Variants in CIDEC observed in about 807,000 individuals in gnomAD.
The protein encoded by CIDEC is cell death inducing DFFA like effector c.
A neutral mutation model predicts 21.9 loss-of-function variants in CIDEC; 11 were observed. The ratio of observed to expected loss-of-function variants is 0.50; its 90% CI spans 0.32 to 0.83. CIDEC has a LOEUF of 0.83. CIDEC is among the 40% of genes least tolerant of loss of function. The probability of loss-of-function intolerance (pLI) is 0.04; values close to 1 mark genes in which losing one functional copy is unlikely to be tolerated. For missense variants in CIDEC, 302 were observed against 302.3 expected, an observed-to-expected ratio of 1.00 and a Z score of 0.01; for synonymous variants, 127 against 124.9, an observed-to-expected ratio of 1.02 and a Z score of -0.11.
chr3:9,873,378 A>G (rs187963687), intron 4 of CIDEC, among the ~76,000 whole-genome samples: 12 of 152,276 alleles, frequency 7.9e-5, no homozygotes, highest in Non-Finnish European at 1.3e-4. Context: ...TTGGGAGGCC[A>G]AGGCCAAGGC....
At chr3:9,871,114 T>A (rs2082341947) in intron 4 of CIDEC, among the ~76,000 whole-genome samples, 1 of 152,016 alleles carries the variant, frequency 6.6e-6, no homozygotes, top group African/African-American at 2.4e-5. Flanking sequence ...GTTTTCAATT[T>A]TCCTGGGCAT....
chr3:9,870,628 A>G (rs2082335430), intron 4 of CIDEC, among the ~76,000 whole-genome samples: 1 of 152,202 alleles, frequency 6.6e-6, no homozygotes, highest in African/African-American at 2.4e-5. Flanking sequence ...CCACTACCTA[A>G]TAGTGCAGTG....
intron 4 of CIDEC, among the ~76,000 whole-genome samples, chr3:9,874,410 G>A (rs2082391746): frequency 6.6e-6 from 1 of 151,858 alleles, no homozygotes; most frequent in Admixed American, 6.6e-5. Context: ...TAGCGAGTCG[G>A]GAGGCTGAGG....
At chr3:9,879,161 ATTT>A in intron 1 of CIDEC, 107 bp from the exon 2 acceptor site, 1 of 144,180 alleles carries the variant, frequency 6.9e-6, no homozygotes, top group Non-Finnish European at 1.4e-5. Context: ...CAGGAGCTGA[ATTT>A]TTTTTTTTTT....
intron 6 of CIDEC, among the ~76,000 whole-genome samples, chr3:9,869,543 C>T (rs2082316911): frequency 6.6e-6 from 1 of 152,186 alleles, no homozygotes; most frequent in Non-Finnish European, 1.5e-5. Context: ...AGCCACCGTG[C>T]CTGGCCAACA....
intron 5 of CIDEC, 23 bp downstream of exon 5, chr3:9,870,141 A>G: frequency 6.2e-7 from 1 of 1,613,992 alleles, no homozygotes; most frequent in African/African-American, 1.3e-5. Context: ...CTCCCCCATC[A>G]GGTGCAACAG....
At position 9,867,264 on chromosome 3, in the gene CIDEC, T is replaced by C. The variant is rs2082283927; in HGVS notation, c.587A>G (p.Gln196Arg). 3 of 1,614,070 alleles carry C rather than the reference T, an allele frequency of 1.9e-6. No homozygotes were observed. The African/African-American group carries it at 4.0e-5, about 22-fold the overall frequency. ...EAFRWALFSM[Q>R]ATGHVLLGTS... ...GCCAAGCAGTACGTGGCCTGTGGCC[T>C]GCATGCTGAAGAGGGCCCAGCGGAA... The change falls in exon 7 of 7, where the codon CAG (glutamine) becomes CGG (arginine). Residue 196 changes from glutamine (Q) to arginine (R), a missense_variant. Transcript: ENST00000336832.
rs759368239 is a variant in CIDEC at position 9,867,291 on chromosome 3, G to T, written c.560C>A (p.Ala187Asp). 1 of 1,614,140 alleles carries T rather than the reference G, an allele frequency of 6.2e-7. No individual in the cohort carries two copies. Among genetic ancestry groups the T allele is most frequent in the Middle Eastern group, 1.7e-4 (1 of 6,050 alleles). Residue 187 changes from alanine (A) to aspartate (D), a missense_variant, in exon 7 of 7, where the codon GCT becomes GAT. Physicochemically the swap from Ala to Asp is moderately radical, Grantham distance 126 (BLOSUM62 -2). Transcript: ENST00000336832. Reference protein sequence around the residue: ...CCGAKRIMKEAFRWALFSMQA... With the variant: ...CCGAKRIMKEDFRWALFSMQA... ...CATGCTGAAGAGGGCCCAGCGGAAAGCTTCCCTGGGTGGAATGAGAGGGCA... is the reference window on the plus strand; with the variant it reads ...CATGCTGAAGAGGGCCCAGCGGAAATCTTCCCTGGGTGGAATGAGAGGGCA...
In CIDEC at chr3:9,870,327, G is replaced by C; in HGVS notation, c.208-5C>G. On this transcript the variant is annotated splice_region_variant and splice_polypyrimidine_tract_variant and intron_variant, in intron 4 of 6. Transcript: ENST00000336832. ...CAGCATCAGAGTGTCCCGGACCTGG[G>C]GAATAAGGTCAGTGATGCTTCTGCC... is the stretch of plus-strand genomic sequence containing the variant. The C allele has an allele frequency of 6.2e-7, 1 of 1,612,716 alleles. No homozygotes were observed. The highest frequency in any genetic ancestry group is 2.2e-5 in the East Asian group (1 of 44,878).
chr3:9,869,495 C>T (rs1469797778), intron 6 of CIDEC, among the ~76,000 whole-genome samples: 2 of 152,152 alleles, frequency 1.3e-5, no homozygotes, highest in African/African-American at 2.4e-5. Flanking sequence ...AGTGATCCAC[C>T]CACCTTGGCC....
Position 9,870,033 on chromosome 3 carries a change from C to T in CIDEC, c.403G>A (p.Ala135Thr), listed in dbSNP as rs111498899. The T allele has an allele frequency of 2.6e-4, 422 of 1,614,208 alleles. 6 individuals are homozygous for T. In the African/African-American group the frequency reaches 4.6e-3, roughly 18 times the overall value. Residue 135 changes from alanine (A) to threonine (T), a missense_variant, in exon 6 of 7, where the codon GCC becomes ACC. Transcript: ENST00000336832. ...RHPLSLSHKPAKKIDVARVTF... is the reference protein window; with the variant it reads ...RHPLSLSHKPTKKIDVARVTF... Reference sequence around the variant, plus strand: ...ACACGGGCCACATCAATCTTCTTGGCAGGCTTATGGGAGAGGGACAGTGGG... The same window carrying T: ...ACACGGGCCACATCAATCTTCTTGGTAGGCTTATGGGAGAGGGACAGTGGG...
At chr3:9,877,532 G>A (rs1481543404) in intron 3 of CIDEC, among the ~76,000 whole-genome samples, 1 of 152,174 alleles carries the variant, frequency 6.6e-6, no homozygotes, top group Admixed American at 6.6e-5. Context: ...GGTGGCACAT[G>A]CCTGTAATCC....
intron 1 of CIDEC, 62 bp downstream of exon 1, chr3:9,880,162 C>A (rs1426480990): frequency 6.6e-6 from 1 of 152,138 alleles, no homozygotes; most frequent in Non-Finnish European, 1.5e-5. Context: ...AGCTACCTAA[C>A]CTGCTCTCCA....
chr3:9,878,792 T>A, intron 2 of CIDEC, 150 bp downstream of exon 2: 1 of 1,536,068 alleles, frequency 6.5e-7, no homozygotes, highest in East Asian at 2.4e-5. Context: ...ATGTTTCTCA[T>A]CCCCTGGCTC....
At chr3:9,873,982 C>T (rs1020777906) in intron 4 of CIDEC, among the ~76,000 whole-genome samples, 15 of 152,022 alleles carry the variant, frequency 9.9e-5, no homozygotes, top group African/African-American at 3.1e-4. Context: ...TTTCTGAATA[C>T]CATTCTCCAC....
At chr3:9,869,764 T>C (rs760147817) in intron 6 of CIDEC, 118 bp downstream of exon 6, 22 of 919,770 alleles carry the variant, frequency 2.4e-5, no homozygotes, top group Non-Finnish European at 3.3e-5. Flanking sequence ...ATACAGGCTA[T>C]GCTTTGTCAG....
In CIDEC at chr3:9,866,719, C is replaced by A. The variant is rs2082273930; in HGVS notation, c.*415G>T. ...ACACAGGCAAAGAAGATACATCAGC[C>A]TCAATAATTTATTGCAAACTCCCTA... On this transcript the variant is annotated 3_prime_UTR_variant, in exon 7 of 7. Coordinates refer to ENST00000336832, the MANE Select transcript of CIDEC (RefSeq NM_001321142.2). The A allele has an allele frequency of 5.2e-6, 2 of 383,554 alleles. No individual in the cohort carries two copies. Among genetic ancestry groups the A allele is most frequent in the Non-Finnish European group, 9.6e-6 (2 of 207,756 alleles). The allele number at this position is 383,554 out of a possible 1,614,324, so 23.8% of individuals were successfully genotyped here.
intron 6 of CIDEC, among the ~76,000 whole-genome samples, chr3:9,868,120 G>A (rs1452515220): frequency 6.6e-6 from 1 of 152,198 alleles, no homozygotes; most frequent in Non-Finnish European, 1.5e-5. Context: ...AATAGGAACA[G>A]ATGCTGCAGA....
At position 9,869,000 on chromosome 3, in the gene CIDEC, C is replaced by T. The variant is rs118114377; in HGVS notation, c.554+882G>A. On this transcript the variant is annotated intron_variant, in intron 6 of 6. Coordinates refer to ENST00000336832, the MANE Select transcript of CIDEC (RefSeq NM_001321142.2). ...GTGTGTGTGTGTGTGTGCGCACACACGGGCGTGTGATAAAGACAGGGTCTC... is the reference window on the plus strand; with the variant it reads ...GTGTGTGTGTGTGTGTGCGCACACATGGGCGTGTGATAAAGACAGGGTCTC... 8.2e-3 allele frequency among the ~76,000 whole-genome samples: 1,249 copies of T among 152,114 alleles called. 41 individuals carry two copies. The highest frequency in any genetic ancestry group is 0.056 in the Admixed American group (859 of 15,264).
Sources: allele counts gnomAD v4.1 joint callset (sites outside exome capture counted in the v4.1 genomes callset), GRCh38; gene constraint gnomAD v4.1.1; transcripts MANE v1.5; gene names NCBI Gene and HGNC (gene_info 2026-07-23, HGNC 2026-07-21).